Variants in STN1 observed in about 807,000 individuals in gnomAD.
The protein encoded by STN1 is CST complex subunit STN1.
A neutral mutation model predicts 45.5 loss-of-function variants in STN1; 29 were observed. The observed-to-expected ratio is 0.64, with a 90% confidence interval of 0.47 to 0.87. STN1 has a LOEUF of 0.87. STN1 is among the 40% of genes least tolerant of loss of function. The pLI is 0.00. For missense variants in STN1, 376 were observed against 441.4 expected, an observed-to-expected ratio of 0.85 and a Z score of 1.33; for synonymous variants, 148 against 159.0, an observed-to-expected ratio of 0.93 and a Z score of 0.52.
intron 6 of STN1, 25 bp downstream of exon 6, chr10:103,898,852 T>C (rs1421418224): frequency 1.2e-6 from 2 of 1,612,962 alleles, no homozygotes; most frequent in Non-Finnish European, 1.7e-6. Context: ...GGTCACGTGC[T>C]CAGCAGTGAT....
chr10:103,910,662 T>C (rs759095401), intron 2 of STN1, 40 bp from the exon 3 acceptor site: 5 of 1,117,016 alleles, frequency 4.5e-6, no homozygotes, highest in Non-Finnish European at 6.8e-6. Context: ...AATGTATGAT[T>C]ACATTTTCTG....
chr10:103,915,652 C>T (rs1489214107), intron 2 of STN1, among the ~76,000 whole-genome samples: 1 of 152,040 alleles, frequency 6.6e-6, no homozygotes, highest in Non-Finnish European at 1.5e-5. Context: ...TTTATGTAGT[C>T]AAAAGTTTTG....
intron 2 of STN1, among the ~76,000 whole-genome samples, chr10:103,910,913 G>C (rs1433255635): frequency 6.6e-6 from 1 of 152,052 alleles, no homozygotes; most frequent in Non-Finnish European, 1.5e-5. Flanking sequence ...ATGCTCACAA[G>C]GGGCCTGAAA....
intron 7 of STN1, among the ~76,000 whole-genome samples, chr10:103,895,152 T>C (rs1456256918): frequency 6.6e-6 from 1 of 152,178 alleles, no homozygotes; most frequent in Admixed American, 6.5e-5. Context: ...TCATAATTGA[T>C]AGAAAAAAGA....
chr10:103,895,570 G>C (rs1843165756), intron 7 of STN1, among the ~76,000 whole-genome samples: 2 of 152,232 alleles, frequency 1.3e-5, no homozygotes, highest in South Asian at 4.1e-4. Flanking sequence ...GAACAAAGCA[G>C]CCAGTCGTGA....
At chr10:103,894,228 G>A (rs778544152) in intron 7 of STN1, among the ~76,000 whole-genome samples, 1 of 152,098 alleles carries the variant, frequency 6.6e-6, no homozygotes, top group Non-Finnish European at 1.5e-5. Flanking sequence ...TAAAGGTTAG[G>A]TTTATTACAT....
intron 9 of STN1, among the ~76,000 whole-genome samples, chr10:103,885,207 A>T (rs1385208719): frequency 6.6e-6 from 1 of 152,238 alleles, no homozygotes; most frequent in Non-Finnish European, 1.5e-5. Context: ...TTCCTGCTCT[A>T]GAAAAGCTTC....
rs922593483 is a variant in STN1, at chr10:103,881,548, G to A, written c.*1136C>T. Among the ~76,000 whole-genome samples, 2 of 152,226 alleles carry A rather than the reference G, an allele frequency of 1.3e-5. No homozygotes were observed. The highest frequency in any genetic ancestry group is 2.4e-5 in the African/African-American group (1 of 41,462). ...TCTAGCTCTCAGCCTGACGTATCGA[G>A]CTGCAGCGGACTTCTGCGTATAAAG... On this transcript the variant is annotated 3_prime_UTR_variant, in exon 10 of 10. Transcript: ENST00000224950.
At position 103,881,480 on chromosome 10, in the gene STN1, T is replaced by G. The variant is rs916134643; in HGVS notation, c.*1204A>C. Among the ~76,000 whole-genome samples the G allele has an allele frequency of 6.6e-6, 1 of 152,194 alleles. No homozygotes were observed. The highest frequency in any genetic ancestry group is 2.4e-5 in the African/African-American group (1 of 41,440). Reference sequence around the variant, plus strand: ...ATCACTGTTAGAAATCAGCAAAGGTTTGCATCATTACAAAAGTCTATGACA... The same window carrying G: ...ATCACTGTTAGAAATCAGCAAAGGTGTGCATCATTACAAAAGTCTATGACA... On this transcript the variant is annotated 3_prime_UTR_variant, in exon 10 of 10. Transcript: ENST00000224950.
intron 8 of STN1, among the ~76,000 whole-genome samples, chr10:103,891,916 A>G (rs921674181): frequency 3.9e-5 from 6 of 152,226 alleles, no homozygotes; most frequent in Admixed American, 1.3e-4. Flanking sequence ...AAGTCTGCAT[A>G]TAAGTAGACC....
intron 9 of STN1, among the ~76,000 whole-genome samples, chr10:103,887,014 A>G (rs1369875289): frequency 6.6e-6 from 1 of 152,242 alleles, no homozygotes; most frequent in Non-Finnish European, 1.5e-5. Context: ...TTGAAGGGTT[A>G]GCCTTTGTGA....
At chr10:103,898,744 G>T in intron 6 of STN1, 133 bp downstream of exon 6, 1 of 938,322 alleles carries the variant, frequency 1.1e-6, no homozygotes, top group Non-Finnish European at 1.6e-6. Flanking sequence ...AGGGTTAGAG[G>T]GCTTGCCCAG....
intron 4 of STN1, among the ~76,000 whole-genome samples, chr10:103,901,877 G>T (rs552179946): frequency 4.6e-5 from 7 of 152,192 alleles, no homozygotes; most frequent in African/African-American, 1.4e-4. Flanking sequence ...AGACAACATT[G>T]TCAGTAATGC....
chr10:103,878,567 C>T lies in STN1; in HGVS notation c.*4117G>A, dbSNP rs1843045838. ...CTTACACACCGGTTGAATTCTTGTC[C>T]AGCGCCCAAGAAGAATGAGAATGTA... On this transcript the variant is annotated 3_prime_UTR_variant, in exon 10 of 10. Transcript: ENST00000224950. 1 of 152,128 alleles carries T rather than the reference C, an allele frequency of 6.6e-6. No individual in the cohort carries two copies. Among genetic ancestry groups the T allele is most frequent in the Non-Finnish European group, 1.5e-5 (1 of 68,040 alleles). 9.4% of individuals were successfully genotyped at this position (152,128 alleles called of 1,614,324 possible).
intron 7 of STN1, among the ~76,000 whole-genome samples, chr10:103,894,099 G>C (rs959994826): frequency 6.6e-6 from 1 of 152,164 alleles, no homozygotes; most frequent in African/African-American, 2.4e-5. Context: ...TCATACATGA[G>C]TGCTCTTAGG....
At chr10:103,906,016 T>C (rs995837117) in intron 3 of STN1, among the ~76,000 whole-genome samples, 2 of 152,126 alleles carry the variant, frequency 1.3e-5, no homozygotes, top group Non-Finnish European at 1.5e-5. Flanking sequence ...AAAAAAATCA[T>C]CAACTAGACT....
At position 103,914,357 on chromosome 10, in the gene STN1, TATATATATATATATA is replaced by T. The variant is rs1376270423; in HGVS notation, c.133+3090_133+3104del. ...ATACATATATATATATATATATATA[TATATATATATATATA>T]TATTTTTTTTTTTTTTTTTTGAGAC... is the stretch of plus-strand genomic sequence containing the variant. On this transcript the variant is annotated intron_variant, in intron 2 of 9. Transcript: ENST00000224950. Among the ~76,000 whole-genome samples the T allele has an allele frequency of 3.4e-3, 263 of 76,344 alleles. 25 individuals carry two copies. Among genetic ancestry groups the T allele is most frequent in the African/African-American group, 6.1e-3 (93 of 15,204 alleles). The allele number at this position is 76,344 out of a possible 152,430, so 50.1% of individuals were successfully genotyped here. A position where few individuals can be genotyped will look rare whatever the true frequency, so the allele number is the denominator to read the frequency against.
intron 8 of STN1, among the ~76,000 whole-genome samples, chr10:103,890,840 G>A (rs10883940): frequency 0.44 from 67,600 of 152,176 alleles, 15,741 homozygotes; most frequent in Non-Finnish European, 0.5. Flanking sequence ...CCTGTGAATA[G>A]TGAGACTTCT....
At chr10:103,909,462 A>ATATATATGTGTGTG (rs1554837226) in intron 3 of STN1, among the ~76,000 whole-genome samples, 10 of 102,732 alleles carry the variant, frequency 9.7e-5, no homozygotes, top group African/African-American at 4.1e-4. Context: ...GTATATATGT[A>ATATATATGTGTGTG]TATATATGTA....
Sources: gnomAD v4.1 joint callset for allele counts (sites outside exome capture counted in the v4.1 genomes callset) on GRCh38, gnomAD v4.1.1 for gene constraint, MANE v1.5 for transcripts, NCBI Gene and HGNC (gene_info 2026-07-23, HGNC 2026-07-21) for gene names.